Variants in COL22A1 observed in about 807,000 individuals in gnomAD.
COL22A1 encodes collagen alpha-1(XXII) chain.
COL22A1 carries 221 observed loss-of-function variants against 248.9 expected under a neutral mutation model. That is an observed-to-expected ratio of 0.89 (90% confidence interval 0.80 to 0.99). The LOEUF (loss-of-function observed/expected upper bound fraction) is 0.99, where lower values mean the gene tolerates loss of function less well. Ranked by LOEUF, COL22A1 falls within the 50% of genes least tolerant of loss-of-function variation. The pLI is 0.00. For missense variants in COL22A1, 2,240 were observed against 2,179.0 expected, an observed-to-expected ratio of 1.03 and a Z score of -0.56; for synonymous variants, 891 against 793.4, an observed-to-expected ratio of 1.12 and a Z score of -2.07.
chr8:138,623,007 G>A (rs1273830299), intron 52 of COL22A1, among the ~76,000 whole-genome samples: 4 of 151,726 alleles, frequency 2.6e-5, no homozygotes, highest in Non-Finnish European at 5.9e-5. Context: ...TCTCTGATCC[G>A]TAGGCAAGAA....
chr8:138,689,356 AG>A, intron 36 of COL22A1, among the ~76,000 whole-genome samples: 1 of 152,176 alleles, frequency 6.6e-6, no homozygotes, highest in East Asian at 1.9e-4. Flanking sequence ...GTGTCTTTGG[AG>A]TCCCCAAAAG....
At chr8:138,873,651 GT>G (rs1387334458) in intron 3 of COL22A1, among the ~76,000 whole-genome samples, 1 of 152,168 alleles carries the variant, frequency 6.6e-6, no homozygotes, top group Non-Finnish European at 1.5e-5. Context: ...AAGTAGACAA[GT>G]TTCCCTCTCG....
intron 17 of COL22A1, among the ~76,000 whole-genome samples, chr8:138,761,869 C>A (rs538646993): frequency 6.6e-6 from 1 of 152,190 alleles, no homozygotes; most frequent in Non-Finnish European, 1.5e-5. Flanking sequence ...CTTCTTCTAG[C>A]GACGGTCTTT....
At chr8:138,705,505 C>T (rs1294181670) in intron 30 of COL22A1, among the ~76,000 whole-genome samples, 6 of 152,074 alleles carry the variant, frequency 3.9e-5, no homozygotes, top group African/African-American at 7.2e-5. Flanking sequence ...GAATTTTCAA[C>T]CCAGAATTTC....
intron 3 of COL22A1, among the ~76,000 whole-genome samples, chr8:138,869,071 A>T (rs1823121091): frequency 6.6e-6 from 1 of 152,174 alleles, no homozygotes; most frequent in African/African-American, 2.4e-5. Context: ...AGGAAGAGAA[A>T]GGTTACATAA....
intron 21 of COL22A1, 97 bp downstream of exon 21, chr8:138,755,059 TA>T: frequency 8.0e-7 from 1 of 1,254,390 alleles, no homozygotes; most frequent in Non-Finnish European, 1.2e-6. Context: ...GCGCTTGAGA[TA>T]ATGCCATGCT....
At chr8:138,701,333 A>T (rs183099143) in intron 31 of COL22A1, among the ~76,000 whole-genome samples, 2 of 152,166 alleles carry the variant, frequency 1.3e-5, no homozygotes, top group Admixed American at 1.3e-4. Flanking sequence ...GATCTGATCC[A>T]TGCAGATGCC....
intron 3 of COL22A1, among the ~76,000 whole-genome samples, chr8:138,867,295 A>T (rs541365646): frequency 6.6e-6 from 1 of 152,194 alleles, no homozygotes; most frequent in Admixed American, 6.5e-5. Flanking sequence ...GGAATGGACC[A>T]GTTCCCCATG....
At chr8:138,603,436 G>A (rs78922974) in intron 59 of COL22A1, among the ~76,000 whole-genome samples, 1 of 152,186 alleles carries the variant, frequency 6.6e-6, no homozygotes, top group Non-Finnish European at 1.5e-5. Flanking sequence ...TGAGGACCAA[G>A]CCTTGGATGG....
chr8:138,857,401 AAACAC>A (rs1822116293), intron 3 of COL22A1, among the ~76,000 whole-genome samples: 1 of 152,216 alleles, frequency 6.6e-6, no homozygotes, highest in Non-Finnish European at 1.5e-5. Context: ...TGCCCTGGCC[AAACAC>A]AGCTTCGCCT....
At chr8:138,856,941 A>T (rs1822076613) in intron 3 of COL22A1, among the ~76,000 whole-genome samples, 1 of 152,020 alleles carries the variant, frequency 6.6e-6, no homozygotes, top group Non-Finnish European at 1.5e-5. Flanking sequence ...GCCTGGGACA[A>T]ATGGGTGTCC....
chr8:138,719,966 C>T (rs1278844813), intron 27 of COL22A1, among the ~76,000 whole-genome samples: 1 of 152,194 alleles, frequency 6.6e-6, no homozygotes, highest in African/African-American at 2.4e-5. Flanking sequence ...CTCAGCACCA[C>T]AGGTTTCCAT....
intron 16 of COL22A1, among the ~76,000 whole-genome samples, chr8:138,765,689 G>C (rs1049120038): frequency 6.6e-6 from 1 of 152,246 alleles, no homozygotes; most frequent in East Asian, 1.9e-4. Flanking sequence ...ACACTGTGCA[G>C]GTGTGGTCAC....
intron 3 of COL22A1, among the ~76,000 whole-genome samples, chr8:138,869,437 G>C (rs958628490): frequency 1.3e-4 from 20 of 152,188 alleles, no homozygotes; most frequent in African/African-American, 4.8e-4. Flanking sequence ...TGACAGTGAA[G>C]TGTTTGTGTC....
intron 47 of COL22A1, among the ~76,000 whole-genome samples, chr8:138,643,609 TATAGATAGATAGATAG>T (rs57015617): frequency 6.8e-6 from 1 of 146,528 alleles, no homozygotes; most frequent in African/African-American, 2.6e-5. Flanking sequence ...CCCTATGCAA[TATAGATAGATAGATAG>T]ATAGATAGAT....
intron 1 of COL22A1, among the ~76,000 whole-genome samples, chr8:138,893,570 A>G (rs1825206970): frequency 6.6e-6 from 1 of 152,246 alleles, no homozygotes; most frequent in Non-Finnish European, 1.5e-5. Flanking sequence ...CTTCAGCAAA[A>G]TGTGAAAGAG....
At chr8:138,845,976 G>C (rs987473108) in intron 3 of COL22A1, among the ~76,000 whole-genome samples, 1 of 152,188 alleles carries the variant, frequency 6.6e-6, no homozygotes, top group African/African-American at 2.4e-5. Flanking sequence ...TCTCATATTT[G>C]AGGGTATAAG....
At chr8:138,630,321 A>T (rs1820598960) in intron 50 of COL22A1, among the ~76,000 whole-genome samples, 1 of 152,212 alleles carries the variant, frequency 6.6e-6, no homozygotes. Context: ...GGTGCACACC[A>T]TAGTCCTAGG....
chr8:138,755,152 C>A lies in COL22A1; in HGVS notation c.2031+5G>T, dbSNP rs752242467. ...CAAACCCTGCGCAGGAGAGGGACAA[C>A]TTACCCGAGCTCCTGGAGGACCGGG... On this transcript the variant is annotated splice_donor_5th_base_variant and intron_variant, in intron 21 of 64. Coordinates refer to ENST00000303045, the MANE Select transcript of COL22A1 (RefSeq NM_152888.3). The A allele has an allele frequency of 6.4e-5, 103 of 1,614,000 alleles. 1 individual carries two copies. Among genetic ancestry groups the A allele is most frequent in the South Asian group, 6.0e-4 (55 of 91,080 alleles).
Sources: gnomAD v4.1 joint callset for allele counts (sites outside exome capture counted in the v4.1 genomes callset) on GRCh38, gnomAD v4.1.1 for gene constraint, MANE v1.5 for transcripts, NCBI Gene and HGNC (gene_info 2026-07-23, HGNC 2026-07-21) for gene names.